ADCY1: variants seen among roughly 807,000 people sequenced by gnomAD.
ADCY1 encodes adenylate cyclase 1, also known as adenylate cyclase type 1.
ADCY1 carries 28 observed loss-of-function variants against 105.4 expected under a neutral mutation model. That is an observed-to-expected ratio of 0.27 (90% CI 0.20 to 0.36). ADCY1 has a LOEUF of 0.36. ADCY1 is among the 10% of genes least tolerant of loss of function. The pLI is 1.00. For missense variants in ADCY1, 977 were observed against 1,434.2 expected, an observed-to-expected ratio of 0.68 and a Z score of 5.15; for synonymous variants, 655 against 623.8, an observed-to-expected ratio of 1.05 and a Z score of -0.75.
At chr7:45,604,700 C>T (rs972507461) in intron 2 of ADCY1, among the ~76,000 whole-genome samples, 2 of 152,142 alleles carry the variant, frequency 1.3e-5, no homozygotes, top group Admixed American at 6.5e-5. Context: ...TGGCAACCCA[C>T]GTCACACTGT....
At position 45,574,368 on chromosome 7, in the gene ADCY1, G is replaced by A. The variant is rs1792246937; in HGVS notation, c.-176G>A. Among the ~76,000 whole-genome samples the A allele has an allele frequency of 7.0e-6, 1 of 143,148 alleles. No individual in the cohort carries two copies. Among genetic ancestry groups the A allele is most frequent in the South Asian group, 2.2e-4 (1 of 4,592 alleles). 93.9% of individuals were successfully genotyped at this position (143,148 alleles called of 152,430 possible). The stretch of plus-strand genomic sequence containing the variant: ...TGCGCAGGCGCGGCGGGCGGGAGGG[G>A]ACGCGCTCCGGGCGCGCGCGCGGGG... On this transcript the variant is annotated 5_prime_UTR_variant, in exon 1 of 20. Coordinates refer to ENST00000297323, the MANE Select transcript of ADCY1 (RefSeq NM_021116.4). The surrounding 1 kb of genome is among the most constrained non-coding windows in gnomAD (Gnocchi z 7.0).
chr7:45,704,632 C>T lies in ADCY1; in HGVS notation c.2817+16C>T, dbSNP rs201881083. The T allele has an allele frequency of 4.8e-4, 774 of 1,605,500 alleles. 9 individuals carry two copies. In the South Asian group the frequency reaches 7.5e-3, roughly 16 times the overall value. ...GGGGACCAAGGTGAGTGCAGCCTGG[C>T]GCTGCCTGCTTGGGGACTGGGTCCA... On this transcript the variant is annotated intron_variant, in intron 17 of 19. Transcript: ENST00000297323.
At chr7:45,701,315 G>A (rs1162648731) in intron 14 of ADCY1, among the ~76,000 whole-genome samples, 1 of 152,164 alleles carries the variant, frequency 6.6e-6, no homozygotes, top group Non-Finnish European at 1.5e-5. Flanking sequence ...CTTTGCATTT[G>A]TGGATGGATT....
At chr7:45,648,840 A>G in intron 5 of ADCY1, 43 bp downstream of exon 5, 1 of 1,603,662 alleles carries the variant, frequency 6.2e-7, no homozygotes, top group East Asian at 2.2e-5. Flanking sequence ...TGGGGCATCT[A>G]CACATTGAAA....
At chr7:45,632,669 T>C (rs964472674) in intron 4 of ADCY1, among the ~76,000 whole-genome samples, 1 of 152,088 alleles carries the variant, frequency 6.6e-6, no homozygotes, top group Non-Finnish European at 1.5e-5. Flanking sequence ...GCTCAAGCAA[T>C]CCTTCTGCTT....
At chr7:45,618,202 A>G (rs933853853) in intron 3 of ADCY1, among the ~76,000 whole-genome samples, 5 of 152,234 alleles carry the variant, frequency 3.3e-5, no homozygotes, top group East Asian at 1.9e-4. Flanking sequence ...CTAGATCCCT[A>G]TCTCTTACCA....
intron 14 of ADCY1, among the ~76,000 whole-genome samples, chr7:45,688,003 C>T (rs751906763): frequency 2.0e-5 from 3 of 152,222 alleles, no homozygotes; most frequent in African/African-American, 4.8e-5. Context: ...TGAGAGCTCA[C>T]TGTGGAAGCA....
At chr7:45,631,049 G>A (rs1223053293) in intron 4 of ADCY1, among the ~76,000 whole-genome samples, 1 of 152,088 alleles carries the variant, frequency 6.6e-6, no homozygotes, top group African/African-American at 2.4e-5. Flanking sequence ...AATAATAAAA[G>A]GTCTAAAGCA....
In ADCY1 at chr7:45,686,742, C is replaced by T. The variant is rs1401823714; in HGVS notation, c.2454+69C>T. Reference sequence around the variant, plus strand: ...GGAGGAAGAAGTCTTCAGCAAGCATCTGACGGGGGCTGCCACAGACACCCA... The same window carrying T: ...GGAGGAAGAAGTCTTCAGCAAGCATTTGACGGGGGCTGCCACAGACACCCA... On this transcript the variant is annotated intron_variant, in intron 14 of 19. Coordinates refer to ENST00000297323, the MANE Select transcript of ADCY1 (RefSeq NM_021116.4). The surrounding 1 kb of genome is among the most constrained non-coding windows in gnomAD (Gnocchi z 4.3). 11 of 1,524,692 alleles carry T rather than the reference C, an allele frequency of 7.2e-6. No homozygotes were observed. The highest frequency in any genetic ancestry group is 7.9e-6 in the Non-Finnish European group (9 of 1,135,564). 94.4% of individuals were successfully genotyped at this position (1,524,692 alleles called of 1,614,324 possible). A position where few individuals can be genotyped will look rare whatever the true frequency, so the allele number is the denominator to read the frequency against.
Position 45,719,321 on chromosome 7 carries a change from T to C in ADCY1, c.*5326T>C, listed in dbSNP as rs1030081037. 21 of 152,280 alleles carry C rather than the reference T, an allele frequency of 1.4e-4. No individual in the cohort carries two copies. The highest frequency in any genetic ancestry group is 4.8e-4 in the African/African-American group (20 of 41,456). The allele number at this position is 152,280 out of a possible 1,614,324, so 9.4% of individuals were successfully genotyped here. ...GAGCCCTGGGACACGCACTGGAAAG[T>C]ATTCTAGGGGCTTCCTGCCTTATCC... is the stretch of plus-strand genomic sequence containing the variant. On this transcript the variant is annotated 3_prime_UTR_variant, in exon 20 of 20. Coordinates refer to ENST00000297323, the MANE Select transcript of ADCY1 (RefSeq NM_021116.4).
At position 45,714,164 on chromosome 7, in the gene ADCY1, AC is replaced by A. The variant is rs1785319030; in HGVS notation, c.*171del. ...ATGGCCTGTGGCCCGAGGGCCAACC[AC>A]CGAGCAGGCACAGCACAGCAGTGAC... On this transcript the variant is annotated 3_prime_UTR_variant, in exon 20 of 20. Transcript: ENST00000297323. The A allele has an allele frequency of 1.7e-6, 1 of 598,890 alleles. No homozygotes were observed. The highest frequency in any genetic ancestry group is 3.0e-6 in the Non-Finnish European group (1 of 336,378). The allele number at this position is 598,890 out of a possible 1,614,324, so 37.1% of individuals were successfully genotyped here.
intron 14 of ADCY1, among the ~76,000 whole-genome samples, chr7:45,694,201 C>T (rs899595602): frequency 1.2e-4 from 18 of 150,648 alleles, no homozygotes; most frequent in Admixed American, 6.0e-4. Flanking sequence ...CAACAGAATA[C>T]GCATTCTATT....
chr7:45,576,671 G>T (rs985425731), intron 1 of ADCY1, among the ~76,000 whole-genome samples: 3 of 152,102 alleles, frequency 2.0e-5, no homozygotes, highest in Non-Finnish European at 4.4e-5. Flanking sequence ...GTCTCAGGGG[G>T]CATTCCTGTA....
chr7:45,687,436 A>G (rs538853828), intron 14 of ADCY1, among the ~76,000 whole-genome samples: 133 of 152,282 alleles, frequency 8.7e-4, no homozygotes, highest in African/African-American at 3.0e-3. Flanking sequence ...GCATCTTCAC[A>G]CCAACTCCAT....
rs186933201 is a variant in ADCY1 at position 45,629,675 on chromosome 7, C to T, written c.1020+6932C>T. On this transcript the variant is annotated intron_variant, in intron 4 of 19. Coordinates refer to ENST00000297323, the MANE Select transcript of ADCY1 (RefSeq NM_021116.4). ...CTGGGACTACAGGCGCCCGCCACTG[C>T]GCCCGGCTAATTTTTTTGTATTTTT... Among the ~76,000 whole-genome samples, 17 of 152,296 alleles carry T rather than the reference C, an allele frequency of 1.1e-4. No individual in the cohort carries two copies. In the East Asian group the frequency reaches 2.7e-3, roughly 24 times the overall value.
Position 45,703,683 on chromosome 7 carries a change from C to T in ADCY1, c.2655C>T (p.Asp885=), listed in dbSNP as rs756397815. The stretch of plus-strand genomic sequence containing the variant: ...TCAATGACTTCTACATCGAGCTGGA[C>T]GGCAACAACATGGGGGTGGAGTGTC... ...PNFNDFYIEL[D]GNNMGVECLR... Residue 885 remains aspartate (D), a synonymous_variant, in exon 16 of 20, where the codon GAC becomes GAT. Transcript: ENST00000297323. This position sits in a 1 kb window ranked among gnomAD's most constrained non-coding sequence, Gnocchi z 5.9. 78 of 1,612,448 alleles carry T rather than the reference C, an allele frequency of 4.8e-5. No homozygotes were observed. The highest frequency in any genetic ancestry group is 1.3e-4 in the East Asian group (6 of 44,874).
intron 5 of ADCY1, among the ~76,000 whole-genome samples, chr7:45,654,679 T>G (rs1009239723): frequency 6.6e-6 from 1 of 152,198 alleles, no homozygotes; most frequent in African/African-American, 2.4e-5. Context: ...AATTATTGGA[T>G]TCTAGTTTTC....
At chr7:45,581,301 C>T (rs1303713484) in intron 1 of ADCY1, among the ~76,000 whole-genome samples, 1 of 152,226 alleles carries the variant, frequency 6.6e-6, no homozygotes, top group Non-Finnish European at 1.5e-5. Context: ...CCGTCACTTA[C>T]ATACATAGCT....
Position 45,718,945 on chromosome 7 carries a change from C to T in ADCY1, c.*4950C>T, listed in dbSNP as rs1158314129. The T allele has an allele frequency of 6.5e-6, 1 of 152,902 alleles. No individual in the cohort carries two copies. Among genetic ancestry groups the T allele is most frequent in the African/African-American group, 2.4e-5 (1 of 41,478 alleles). The allele number at this position is 152,902 out of a possible 1,614,324, so 9.5% of individuals were successfully genotyped here. A position where few individuals can be genotyped will look rare whatever the true frequency, so the allele number is the denominator to read the frequency against. On this transcript the variant is annotated 3_prime_UTR_variant, in exon 20 of 20. Transcript: ENST00000297323. ...TTTTTCACAGATGGATTTGGGTGATCTGAGTGTGGTCAGGCCCTGCCGTTG... is the reference window on the plus strand; with the variant it reads ...TTTTTCACAGATGGATTTGGGTGATTTGAGTGTGGTCAGGCCCTGCCGTTG...
Sources: gnomAD v4.1 joint callset for allele counts (sites outside exome capture counted in the v4.1 genomes callset) on GRCh38, gnomAD v4.1.1 for gene constraint, Gnocchi (gnomAD v3.1) non-coding constraint, MANE v1.5 for transcripts, NCBI Gene and HGNC (gene_info 2026-07-23, HGNC 2026-07-21) for gene names.